MYO9A: variants seen among roughly 807,000 people sequenced by gnomAD.
The protein encoded by MYO9A is myosin IXA.
MYO9A carries 103 observed loss-of-function variants against 293.3 expected under a neutral mutation model. That is an observed-to-expected ratio of 0.35 (90% confidence interval 0.30 to 0.41). The LOEUF (loss-of-function observed/expected upper bound fraction) is 0.41. MYO9A is among the 10% of genes least tolerant of loss of function. MYO9A has a pLI of 1.00. For missense variants in MYO9A, 2,685 were observed against 3,033.0 expected, an observed-to-expected ratio of 0.89 and a Z score of 2.69; for synonymous variants, 1,001 against 1,035.7, an observed-to-expected ratio of 0.97 and a Z score of 0.64.
At chr15:71,887,009 C>T (rs115472479) in intron 27 of MYO9A, among the ~76,000 whole-genome samples, 2,418 of 152,010 alleles carry the variant, frequency 0.016, 74 homozygotes, top group African/African-American at 0.056. Context: ...GGCCCAAATG[C>T]TTATACAACA....
rs1229984292 is a variant in MYO9A at position 71,998,213 on chromosome 15, G to A, written c.1470+1638C>T. ...AGACCATTATCCATTGCAAACTAACGCAGGAACAGAAAACCAAACACAGCA... is the reference window on the plus strand; with the variant it reads ...AGACCATTATCCATTGCAAACTAACACAGGAACAGAAAACCAAACACAGCA... On this transcript the variant is annotated intron_variant, in intron 9 of 41. Coordinates refer to ENST00000356056, the MANE Select transcript of MYO9A (RefSeq NM_006901.4). 3.9e-5 allele frequency among the ~76,000 whole-genome samples: 6 copies of A among 152,202 alleles called. No homozygotes were observed. The East Asian group carries it at 1.2e-3, about 29-fold the overall frequency.
chr15:72,024,821 T>C (rs2077613359), intron 4 of MYO9A, among the ~76,000 whole-genome samples: 1 of 150,962 alleles, frequency 6.6e-6, no homozygotes, highest in Non-Finnish European at 1.5e-5. Context: ...AATAAGAATA[T>C]AAAAAATAAT....
chr15:71,964,970 T>A (rs941252283), intron 13 of MYO9A, among the ~76,000 whole-genome samples: 1 of 151,458 alleles, frequency 6.6e-6, no homozygotes, highest in Non-Finnish European at 1.5e-5. Context: ...AAAAAAAAAG[T>A]TTAGATAACC....
intron 1 of MYO9A, among the ~76,000 whole-genome samples, chr15:72,098,117 A>G (rs1000371578): frequency 1.3e-5 from 2 of 152,022 alleles, no homozygotes; most frequent in African/African-American, 4.8e-5. Flanking sequence ...GTGACTTGAC[A>G]CTTTTCCCTA....
chr15:71,840,883 G>A (rs1476620832), intron 39 of MYO9A, among the ~76,000 whole-genome samples: 1 of 152,152 alleles, frequency 6.6e-6, no homozygotes, highest in Non-Finnish European at 1.5e-5. Context: ...CGCCCACCTC[G>A]GCCTCCCAAA....
At chr15:71,904,709 T>C (rs1167744370) in intron 20 of MYO9A, among the ~76,000 whole-genome samples, 4 of 152,168 alleles carry the variant, frequency 2.6e-5, no homozygotes, top group Non-Finnish European at 5.9e-5. Context: ...TCAAGAGGTA[T>C]TTGCTTCTCA....
chr15:72,081,466 T>C (rs1012382139), intron 1 of MYO9A, among the ~76,000 whole-genome samples: 4 of 147,490 alleles, frequency 2.7e-5, no homozygotes, highest in African/African-American at 1.0e-4. Context: ...CTTTGTCAGA[T>C]GCAGTTTCCA....
chr15:71,999,960 A>G lies in MYO9A; in HGVS notation c.1381-20T>C. The G allele has an allele frequency of 6.3e-7, 1 of 1,574,850 alleles. No homozygotes were observed. Among genetic ancestry groups the G allele is most frequent in the Non-Finnish European group, 8.7e-7 (1 of 1,151,632 alleles). On this transcript the variant is annotated intron_variant, in intron 8 of 41. Coordinates refer to ENST00000356056, the MANE Select transcript of MYO9A (RefSeq NM_006901.4). ...TTTAACCTATAAAACAGAAAAGTAA[A>G]CTCAATATGTAAGATTTATGACAAT...
chr15:72,034,172 C>G (rs1207083968), intron 2 of MYO9A, among the ~76,000 whole-genome samples: 1 of 152,176 alleles, frequency 6.6e-6, no homozygotes, highest in East Asian at 1.9e-4. Flanking sequence ...GTCCTGAGAC[C>G]AGAAACATCA....
intron 2 of MYO9A, among the ~76,000 whole-genome samples, chr15:72,033,670 A>ATGGG (rs1258097709): frequency 6.6e-6 from 1 of 152,198 alleles, no homozygotes; most frequent in Non-Finnish European, 1.5e-5. Flanking sequence ...AAGGGGCACA[A>ATGGG]TGGGTGATAA....
chr15:71,913,883 TAAA>T (rs59799401), intron 19 of MYO9A, among the ~76,000 whole-genome samples: 99,344 of 151,682 alleles, frequency 0.65, 33,388 homozygotes, highest in Middle Eastern at 0.74. Context: ...CCTCATGTAA[TAAA>T]AGGTCGTTTC....
intron 40 of MYO9A, 125 bp downstream of exon 40, chr15:71,829,984 C>T: frequency 9.9e-7 from 1 of 1,008,604 alleles, no homozygotes; most frequent in South Asian, 1.4e-5. Flanking sequence ...CTCAACATCT[C>T]CTGTATCATC....
chr15:71,936,757 A>C (rs2058653444), intron 16 of MYO9A, among the ~76,000 whole-genome samples: 2 of 152,084 alleles, frequency 1.3e-5, no homozygotes, highest in African/African-American at 2.4e-5. Flanking sequence ...TAATCAATAA[A>C]CCATTTAGAA....
chr15:71,958,288 T>A (rs1309934928), intron 14 of MYO9A, among the ~76,000 whole-genome samples: 1 of 152,134 alleles, frequency 6.6e-6, no homozygotes. Flanking sequence ...ATTTAAACCA[T>A]TTTTACAATC....
In MYO9A at chr15:72,086,771, T is replaced by C. The variant is rs566528600; in HGVS notation, c.-72+30909A>G. Among the ~76,000 whole-genome samples, 117 of 151,968 alleles carry C rather than the reference T, an allele frequency of 7.7e-4. 2 individuals carry two copies. The South Asian group carries it at 0.023, about 30-fold the overall frequency. The stretch of plus-strand genomic sequence containing the variant: ...TTTGTTTTTTTTGTTGTTTTTGTTG[T>C]TGTTGTTTTTTTTGAGACAGAGTTT... On this transcript the variant is annotated intron_variant, in intron 1 of 41. Coordinates refer to ENST00000356056, the MANE Select transcript of MYO9A (RefSeq NM_006901.4).
chr15:72,082,834 T>C (rs2150405364), intron 1 of MYO9A, among the ~76,000 whole-genome samples: 1 of 151,178 alleles, frequency 6.6e-6, no homozygotes, highest in African/African-American at 2.4e-5. Flanking sequence ...TTTACTGATT[T>C]GCATATGTTG....
chr15:71,932,571 A>G (rs779363153), intron 18 of MYO9A, among the ~76,000 whole-genome samples: 1 of 151,132 alleles, frequency 6.6e-6, no homozygotes, highest in Non-Finnish European at 1.5e-5. Flanking sequence ...TGCAGCCTAG[A>G]GAGGAGCCCA....
Position 71,899,048 on chromosome 15 carries a change from C to G in MYO9A, c.3471-16G>C, listed in dbSNP as rs765747759. ...AGCTTTAAATCTATATAAAAACAGA[C>G]AAAATGGGTTATAGAAATATCTTAG... On this transcript the variant is annotated splice_polypyrimidine_tract_variant and intron_variant, in intron 24 of 41. Coordinates refer to ENST00000356056, the MANE Select transcript of MYO9A (RefSeq NM_006901.4). 3 of 1,540,000 alleles carry G rather than the reference C, an allele frequency of 1.9e-6. No homozygotes were observed. The highest frequency in any genetic ancestry group is 2.6e-6 in the Non-Finnish European group (3 of 1,141,108).
chr15:71,990,612 C>T lies in MYO9A; in HGVS notation c.1722+491G>A, dbSNP rs572010585. ...CTACTAAAAATACAAAAAAATTAGC[C>T]GGGCATGGTGGCGGGCACCTGTAGT... On this transcript the variant is annotated intron_variant, in intron 11 of 41. Coordinates refer to ENST00000356056, the MANE Select transcript of MYO9A (RefSeq NM_006901.4). Among the ~76,000 whole-genome samples the T allele has an allele frequency of 7.2e-5, 11 of 151,998 alleles. No individual in the cohort carries two copies. In the East Asian group the frequency reaches 1.4e-3, roughly 19 times the overall value.
Sources: gnomAD v4.1 joint callset for allele counts (sites outside exome capture counted in the v4.1 genomes callset) on GRCh38, gnomAD v4.1.1 for gene constraint, MANE v1.5 for transcripts, NCBI Gene and HGNC (gene_info 2026-07-23, HGNC 2026-07-21) for gene names.